The following PLCB1 variants were observed in gnomAD, a reference collection of about 807,000 sequenced individuals.
PLCB1 encodes the protein 1-phosphatidylinositol 4,5-bisphosphate phosphodiesterase beta-1.
A neutral mutation model predicts 161.8 loss-of-function variants in PLCB1; 46 were observed. The ratio of observed to expected loss-of-function variants is 0.28; its 90% CI spans 0.22 to 0.36. The LOEUF (loss-of-function observed/expected upper bound fraction) is 0.36, where lower values mean the gene tolerates loss of function less well. Ranked by LOEUF, PLCB1 falls within the 10% of genes least tolerant of loss-of-function variation. PLCB1 has a pLI of 1.00. For missense variants in PLCB1, 1,016 were observed against 1,472.5 expected, an observed-to-expected ratio of 0.69 and a Z score of 5.07; for synonymous variants, 517 against 503.7, an observed-to-expected ratio of 1.03 and a Z score of -0.35.
chr20:8,468,326 A>G (rs1474582752), intron 3 of PLCB1, among the ~76,000 whole-genome samples: 2 of 152,180 alleles, frequency 1.3e-5, no homozygotes, highest in Non-Finnish European at 2.9e-5. Flanking sequence ...ACCTTAATAA[A>G]GAAGAAAAAC....
At chr20:8,308,689 A>C (rs955885346) in intron 2 of PLCB1, among the ~76,000 whole-genome samples, 1 of 151,660 alleles carries the variant, frequency 6.6e-6, no homozygotes, top group East Asian at 1.9e-4. Context: ...ACTGAAATAC[A>C]TGGAGGCTAC....
intron 2 of PLCB1, among the ~76,000 whole-genome samples, chr20:8,273,725 C>T (rs1289158226): frequency 6.6e-6 from 1 of 152,094 alleles, no homozygotes; most frequent in East Asian, 1.9e-4. Context: ...AGTTGATTTC[C>T]TGTAGGCTTC....
intron 31 of PLCB1, among the ~76,000 whole-genome samples, chr20:8,864,300 G>A (rs1568629415): frequency 6.6e-6 from 1 of 152,136 alleles, no homozygotes; most frequent in South Asian, 2.1e-4. Context: ...AGGAGAGGTA[G>A]TCACTCCCTC....
At chr20:8,199,448 C>T (rs1600230133) in intron 2 of PLCB1, among the ~76,000 whole-genome samples, 2 of 152,162 alleles carry the variant, frequency 1.3e-5, no homozygotes, top group African/African-American at 4.8e-5. Context: ...ATGAATGTGC[C>T]TATTGCCATG....
intron 2 of PLCB1, among the ~76,000 whole-genome samples, chr20:8,246,763 T>A (rs1980899081): frequency 6.6e-6 from 1 of 151,962 alleles, no homozygotes; most frequent in Non-Finnish European, 1.5e-5. Context: ...GAATACCTTG[T>A]ACATAGTTTT....
In PLCB1 at chr20:8,471,980, T is replaced by C. The variant is rs143730503; in HGVS notation, c.246+100530T>C. The stretch of plus-strand genomic sequence containing the variant: ...TTGTTACTGGCTTTTTTATTGTCCT[T>C]TCCAGAATTACAAAAAAAATAGTCT... On this transcript the variant is annotated intron_variant, in intron 3 of 31. Coordinates refer to ENST00000338037, the MANE Select transcript of PLCB1 (RefSeq NM_015192.4). Among the ~76,000 whole-genome samples the C allele has an allele frequency of 9.6e-3, 1,461 of 152,316 alleles. 25 individuals are homozygous for C. The highest frequency in any genetic ancestry group is 0.033 in the African/African-American group (1,357 of 41,566).
intron 2 of PLCB1, among the ~76,000 whole-genome samples, chr20:8,325,666 C>T (rs1422836605): frequency 6.6e-6 from 1 of 152,164 alleles, no homozygotes; most frequent in Non-Finnish European, 1.5e-5. Flanking sequence ...ACGTGTAAGG[C>T]CACACACATA....
At chr20:8,614,022 A>G (rs944405451) in intron 3 of PLCB1, among the ~76,000 whole-genome samples, 8 of 152,178 alleles carry the variant, frequency 5.3e-5, no homozygotes, top group Non-Finnish European at 1.2e-4. Context: ...AATCAATAAG[A>G]AAATAAATCC....
At chr20:8,372,196 T>A (rs897972676) in intron 3 of PLCB1, 1 of 152,212 alleles carries the variant, frequency 6.6e-6, no homozygotes, top group African/African-American at 2.4e-5. Flanking sequence ...AACATAGAAG[T>A]ACAGTTGCCA....
rs115349086 is a variant in PLCB1, at chr20:8,188,013, C to T, written c.177+37642C>T. ...CAGTGGTTGTTATCTCTAGCTCTCT[C>T]ATGCGTGGCTTGGCTGAGGTTTGGC... is the stretch of plus-strand genomic sequence containing the variant. On this transcript the variant is annotated intron_variant, in intron 2 of 31. Coordinates refer to ENST00000338037, the MANE Select transcript of PLCB1 (RefSeq NM_015192.4). Among the ~76,000 whole-genome samples, 1,231 of 152,214 alleles carry T rather than the reference C, an allele frequency of 8.1e-3. 23 individuals carry two copies. Among genetic ancestry groups the T allele is most frequent in the African/African-American group, 0.027 (1,142 of 41,538 alleles).
In PLCB1 at chr20:8,391,763, G is replaced by GTATA. The variant is rs146859336; in HGVS notation, c.246+20325_246+20328dup. Reference sequence around the variant, plus strand: ...TTCTGTGAGACTGGTAAATAATGAAGTATATATATATATATGTGTGTGTAT... The same window carrying GTATA: ...TTCTGTGAGACTGGTAAATAATGAAGTATATATATATATATATATGTGTGTGTAT... On this transcript the variant is annotated intron_variant, in intron 3 of 31. Coordinates refer to ENST00000338037, the MANE Select transcript of PLCB1 (RefSeq NM_015192.4). Among the ~76,000 whole-genome samples the GTATA allele has an allele frequency of 2.4e-5, 3 of 122,490 alleles. No homozygotes were observed. The East Asian group carries it at 7.5e-4, about 31-fold the overall frequency. 80.4% of individuals were successfully genotyped at this position (122,490 alleles called of 152,430 possible).
intron 31 of PLCB1, among the ~76,000 whole-genome samples, chr20:8,819,138 T>C (rs1040085002): frequency 1.3e-5 from 2 of 152,078 alleles, no homozygotes; most frequent in South Asian, 2.1e-4. Context: ...ATTCTGAATA[T>C]GTAGTAATTA....
chr20:8,861,750 A>C (rs1987265048), intron 31 of PLCB1, among the ~76,000 whole-genome samples: 1 of 137,974 alleles, frequency 7.2e-6, no homozygotes, highest in Non-Finnish European at 1.6e-5. Flanking sequence ...AAAAAAAAAG[A>C]GATCAACTTG....
chr20:8,592,616 A>C (rs987162911), intron 3 of PLCB1, among the ~76,000 whole-genome samples: 1 of 152,182 alleles, frequency 6.6e-6, no homozygotes, highest in Non-Finnish European at 1.5e-5. Context: ...GGAGAAGCCG[A>C]ATAAACTGTG....
intron 2 of PLCB1, among the ~76,000 whole-genome samples, chr20:8,189,210 C>T (rs76119639): frequency 9.9e-5 from 15 of 151,092 alleles, no homozygotes; most frequent in Admixed American, 6.0e-4. Context: ...GTATTGTGTT[C>T]GAGATTTTTG....
chr20:8,482,173 G>A lies in PLCB1; in HGVS notation c.246+110723G>A, dbSNP rs188154048. On this transcript the variant is annotated intron_variant, in intron 3 of 31. Transcript: ENST00000338037. ...GGCTGGAGTGAAGTGGCGTGATCTC[G>A]GCTCACTGCAACCTCTGCCTCTCGG... Among the ~76,000 whole-genome samples the A allele has an allele frequency of 1.3e-3, 180 of 137,928 alleles. 1 individual carries two copies. Among genetic ancestry groups the A allele is most frequent in the African/African-American group, 4.8e-3 (171 of 35,592 alleles). The allele number at this position is 137,928 out of a possible 152,430, so 90.5% of individuals were successfully genotyped here. A position where few individuals can be genotyped will look rare whatever the true frequency, so the allele number is the denominator to read the frequency against.
intron 2 of PLCB1, among the ~76,000 whole-genome samples, chr20:8,252,083 G>A (rs919529931): frequency 1.3e-5 from 2 of 151,930 alleles, no homozygotes; most frequent in African/African-American, 4.8e-5. Context: ...TATGAGTGAT[G>A]GGGGAGTGAG....
intron 3 of PLCB1, among the ~76,000 whole-genome samples, chr20:8,493,201 T>A (rs1369644443): frequency 6.6e-6 from 1 of 152,170 alleles, no homozygotes; most frequent in Non-Finnish European, 1.5e-5. Flanking sequence ...GTCAGTCCTA[T>A]ATGTCATCTA....
intron 10 of PLCB1, among the ~76,000 whole-genome samples, chr20:8,689,436 A>G (rs1990425710): frequency 6.6e-6 from 1 of 152,096 alleles, no homozygotes; most frequent in Admixed American, 6.5e-5. Flanking sequence ...CTCAGGAAGA[A>G]TGCTTTCAGC....
Sources: gnomAD v4.1 joint callset for allele counts (sites outside exome capture counted in the v4.1 genomes callset) on GRCh38, gnomAD v4.1.1 for gene constraint, MANE v1.5 for transcripts, NCBI Gene and HGNC (gene_info 2026-07-23, HGNC 2026-07-21) for gene names.